ASAP1: variants seen among roughly 807,000 people sequenced by gnomAD.
ASAP1 encodes arf-GAP with SH3 domain, ANK repeat and PH domain-containing protein 1.
A neutral mutation model predicts 145.2 loss-of-function variants in ASAP1; 43 were observed. That is an observed-to-expected ratio of 0.30 (90% CI 0.23 to 0.38). The LOEUF is 0.38. Among genes scored for constraint, ASAP1 ranks in the 10% least tolerant of loss-of-function variants. The pLI, the probability that ASAP1 is intolerant of heterozygous loss-of-function variation, is 1.00. For synonymous variants in ASAP1, 546 were observed against 515.5 expected, an observed-to-expected ratio of 1.06 and a Z score of -0.80; for missense variants, 1,018 against 1,355.3, an observed-to-expected ratio of 0.75 and a Z score of 3.91.
intron 1 of ASAP1, among the ~76,000 whole-genome samples, chr8:130,440,054 C>A (rs1031726310): frequency 1.3e-5 from 2 of 152,160 alleles, no homozygotes; most frequent in African/African-American, 4.8e-5. Context: ...CTTTCCCTTG[C>A]CTCATTCCAA....
At chr8:130,112,991 C>A (rs1182581745) in intron 23 of ASAP1, among the ~76,000 whole-genome samples, 1 of 152,234 alleles carries the variant, frequency 6.6e-6, no homozygotes, top group Non-Finnish European at 1.5e-5. Context: ...CTTGAAGCCC[C>A]TCCTAGTACA....
chr8:130,386,085 A>G (rs1309162462), intron 2 of ASAP1, among the ~76,000 whole-genome samples: 2 of 152,198 alleles, frequency 1.3e-5, no homozygotes, highest in Non-Finnish European at 2.9e-5. Context: ...AGAGCTCTCT[A>G]CCTGGTGGGG....
intron 23 of ASAP1, 138 bp from the exon 24 acceptor site, chr8:130,112,460 C>CTCTCTTTTTTT: frequency 1.6e-6 from 1 of 638,932 alleles, no homozygotes; most frequent in Non-Finnish European, 2.7e-6. Flanking sequence ...CCACAATGAG[C>CTCTCTTTTTTT]CTCATGATGC....
At chr8:130,248,221 CG>C (rs1375376323) in intron 3 of ASAP1, among the ~76,000 whole-genome samples, 1 of 148,980 alleles carries the variant, frequency 6.7e-6, no homozygotes, top group African/African-American at 2.5e-5. Flanking sequence ...TGGCGGGTGC[CG>C]GGGGGGTTGG....
intron 10 of ASAP1, 49 bp from the exon 11 acceptor site, chr8:130,167,671 G>A (rs1462347843): frequency 2.9e-6 from 4 of 1,362,226 alleles, no homozygotes; most frequent in Non-Finnish European, 4.2e-6. Context: ...ACTTTCACAG[G>A]CAGAGTTTAA....
chr8:130,097,355 C>G (rs935891843), intron 24 of ASAP1, among the ~76,000 whole-genome samples: 1 of 152,044 alleles, frequency 6.6e-6, no homozygotes, highest in African/African-American at 2.4e-5. Context: ...GTCTTCTGAT[C>G]TGTTCTTCAC....
At chr8:130,094,594 T>C (rs2097513299) in intron 24 of ASAP1, among the ~76,000 whole-genome samples, 1 of 152,008 alleles carries the variant, frequency 6.6e-6, no homozygotes, top group South Asian at 2.1e-4. Flanking sequence ...GTGGGTCAGG[T>C]AGTATTGTCC....
chr8:130,262,238 T>C (rs1338502756), intron 3 of ASAP1, among the ~76,000 whole-genome samples: 1 of 150,866 alleles, frequency 6.6e-6, no homozygotes, highest in Non-Finnish European at 1.5e-5. Flanking sequence ...CTACTAAAAA[T>C]ACAAAAACTA....
At position 130,358,867 on chromosome 8, in the gene ASAP1, C is replaced by A. The variant is rs914488382; in HGVS notation, c.60-724G>T. Reference sequence around the variant, plus strand: ...CCGAGTCCCTGGTTCGCCCCCGGAGCGGTTACTTCAGCGAGCTCGTTGCGC... The same window carrying A: ...CCGAGTCCCTGGTTCGCCCCCGGAGAGGTTACTTCAGCGAGCTCGTTGCGC... On this transcript the variant is annotated intron_variant, in intron 2 of 29. Coordinates refer to ENST00000518721, the MANE Select transcript of ASAP1 (RefSeq NM_018482.4). The surrounding 1 kb of genome is among the most constrained non-coding windows in gnomAD (Gnocchi z 4.1). Among the ~76,000 whole-genome samples the A allele has an allele frequency of 6.6e-6, 1 of 151,930 alleles. No individual in the cohort carries two copies. Among genetic ancestry groups the A allele is most frequent in the East Asian group, 1.9e-4 (1 of 5,186 alleles).
At position 130,426,568 on chromosome 8, in the gene ASAP1, T is replaced by G. The variant is rs139328126; in HGVS notation, c.-28+16892A>C. 9.2e-5 allele frequency among the ~76,000 whole-genome samples: 14 copies of G among 152,322 alleles called. No homozygotes were observed. The East Asian group carries it at 1.7e-3, about 19-fold the overall frequency. ...CCCATCAACCTTTTCCTGCACCAAC[T>G]TTCTTGTCACTTACTCCACTCCAGC... On this transcript the variant is annotated intron_variant, in intron 1 of 29. Coordinates refer to ENST00000518721, the MANE Select transcript of ASAP1 (RefSeq NM_018482.4).
chr8:130,355,978 CA>C (rs535978121), intron 3 of ASAP1, among the ~76,000 whole-genome samples: 1 of 152,166 alleles, frequency 6.6e-6, no homozygotes, highest in Non-Finnish European at 1.5e-5. Flanking sequence ...TGTACTCTAA[CA>C]TGACACTGAA....
chr8:130,082,477 C>T (rs1325226600), intron 25 of ASAP1, among the ~76,000 whole-genome samples: 1 of 148,064 alleles, frequency 6.8e-6, no homozygotes, highest in Non-Finnish European at 1.5e-5. Context: ...GTTAGGATTA[C>T]AGGTGTGAGC....
chr8:130,394,204 T>C (rs1304680649), intron 2 of ASAP1, among the ~76,000 whole-genome samples: 3 of 152,220 alleles, frequency 2.0e-5, no homozygotes, highest in Non-Finnish European at 2.9e-5. Flanking sequence ...CAGAGCCATA[T>C]TTCTCTTCTT....
At chr8:130,415,105 A>C (rs2138665640) in intron 1 of ASAP1, among the ~76,000 whole-genome samples, 1 of 152,322 alleles carries the variant, frequency 6.6e-6, no homozygotes, top group South Asian at 2.1e-4. Flanking sequence ...GTGCTCAATA[A>C]ATTATCTGTT....
intron 4 of ASAP1, among the ~76,000 whole-genome samples, chr8:130,221,053 C>G (rs1817265283): frequency 6.6e-6 from 1 of 151,978 alleles, no homozygotes; most frequent in Admixed American, 6.6e-5. Context: ...AGAGCCAGAC[C>G]ATATCACCGG....
intron 3 of ASAP1, among the ~76,000 whole-genome samples, chr8:130,261,163 T>G (rs1819872967): frequency 6.6e-6 from 1 of 152,228 alleles, no homozygotes; most frequent in Non-Finnish European, 1.5e-5. Context: ...CTCTCTCATA[T>G]TCCAAGGATC....
chr8:130,217,535 T>C (rs892693544), intron 4 of ASAP1, among the ~76,000 whole-genome samples: 1 of 81,986 alleles, frequency 1.2e-5, no homozygotes, highest in African/African-American at 3.3e-5. Flanking sequence ...TGTGTATATA[T>C]GTACACACAC....
At chr8:130,347,755 G>A (rs1825781590) in intron 3 of ASAP1, among the ~76,000 whole-genome samples, 1 of 152,208 alleles carries the variant, frequency 6.6e-6, no homozygotes, top group South Asian at 2.1e-4. Context: ...GAATCAGGCA[G>A]ACACCAATGT....
At chr8:130,207,972 T>C (rs1816331806) in intron 5 of ASAP1, among the ~76,000 whole-genome samples, 1 of 152,226 alleles carries the variant, frequency 6.6e-6, no homozygotes, top group African/African-American at 2.4e-5. Context: ...GAGTTTGATT[T>C]GTGTTCTGCA....
Sources: allele counts gnomAD v4.1 joint callset (sites outside exome capture counted in the v4.1 genomes callset), GRCh38; gene constraint gnomAD v4.1.1; non-coding constraint Gnocchi (gnomAD v3.1); transcripts MANE v1.5; gene names NCBI Gene and HGNC (gene_info 2026-07-23, HGNC 2026-07-21).